Variants in LSG1 observed in about 807,000 individuals in gnomAD.
LSG1 encodes large 60S subunit nuclear export GTPase 1.
In LSG1, 55 loss-of-function variants were observed where a neutral mutation model predicts 82.6. The observed-to-expected ratio is 0.67, with a 90% CI of 0.54 to 0.83. The LOEUF (loss-of-function observed/expected upper bound fraction) is 0.83, where lower values mean the gene tolerates loss of function less well. Ranked by LOEUF, LSG1 falls within the 40% of genes least tolerant of loss-of-function variation. The pLI is 0.00. For synonymous variants in LSG1, 272 were observed against 282.5 expected, an observed-to-expected ratio of 0.96 and a Z score of 0.37; for missense variants, 809 against 807.9, an observed-to-expected ratio of 1.00 and a Z score of -0.02.
At chr3:194,671,630 G>A (rs1345829780) in intron 1 of LSG1, among the ~76,000 whole-genome samples, 1 of 152,190 alleles carries the variant, frequency 6.6e-6, no homozygotes, top group African/African-American at 2.4e-5. Context: ...ACTAGGGGGT[G>A]CTTCGCAAGG....
chr3:194,644,382 AAAAATAAATAAATAAAT>A lies in LSG1; in HGVS notation c.1797+174_1797+190del, dbSNP rs1560218748. Among the ~76,000 whole-genome samples the A allele has an allele frequency of 1.5e-4, 10 of 68,058 alleles. 1 individual carries two copies. The East Asian group carries it at 4.8e-3, about 33-fold the overall frequency. 44.6% of individuals were successfully genotyped at this position (68,058 alleles called of 152,430 possible). On this transcript the variant is annotated intron_variant, in intron 13 of 13. Coordinates refer to ENST00000265245, the MANE Select transcript of LSG1 (RefSeq NM_018385.3). ...AGACTCCGTCTCAAAAAAAAAAAAT[AAAAATAAATAAATAAAT>A]AAATAAATAAATAAATAAATAAATA...
chr3:194,660,158 C>G lies in LSG1; in HGVS notation c.522-25G>C, dbSNP rs376716695. ...ACTGAAAAACAAACACGAGATAGACCAATCACCGTGAAGTGAAAGGGATTT... is the reference window on the plus strand; with the variant it reads ...ACTGAAAAACAAACACGAGATAGACGAATCACCGTGAAGTGAAAGGGATTT... On this transcript the variant is annotated intron_variant, in intron 5 of 13. Coordinates refer to ENST00000265245, the MANE Select transcript of LSG1 (RefSeq NM_018385.3). 1.7e-5 allele frequency: 27 copies of G among 1,598,462 alleles called. No homozygotes were observed. The African/African-American group carries it at 3.1e-4, about 18-fold the overall frequency.
At chr3:194,667,942 A>AAAAATATATATATAT (rs1416407494) in intron 2 of LSG1, among the ~76,000 whole-genome samples, 2 of 86,958 alleles carry the variant, frequency 2.3e-5, no homozygotes, top group Non-Finnish European at 4.1e-5. Flanking sequence ...AAAAAAAAAA[A>AAAAATATATATATAT]ATATATATAT....
At chr3:194,646,635 C>T (rs1158863597) in intron 11 of LSG1, among the ~76,000 whole-genome samples, 3 of 152,208 alleles carry the variant, frequency 2.0e-5, no homozygotes, top group Non-Finnish European at 4.4e-5. Context: ...ATTCTGATGC[C>T]TCAGCCTCCC....
chr3:194,664,287 A>G (rs915450773), intron 5 of LSG1, among the ~76,000 whole-genome samples: 8 of 152,150 alleles, frequency 5.3e-5, no homozygotes, highest in African/African-American at 1.7e-4. Flanking sequence ...ATGTGATAAG[A>G]TTCTTTTCTG....
intron 10 of LSG1, among the ~76,000 whole-genome samples, chr3:194,649,193 A>C (rs1718620426): frequency 6.6e-6 from 1 of 152,078 alleles, no homozygotes; most frequent in African/African-American, 2.4e-5. Flanking sequence ...CATCTCCCAT[A>C]GTTTGTCCAA....
chr3:194,665,371 T>C (rs756575535), intron 5 of LSG1, among the ~76,000 whole-genome samples, 186 bp downstream of exon 5: 1 of 152,210 alleles, frequency 6.6e-6, no homozygotes, highest in Non-Finnish European at 1.5e-5. Context: ...CTTATCAACA[T>C]ATTCATCTAA....
At position 194,652,735 on chromosome 3, in the gene LSG1, G is replaced by C; in HGVS notation, c.1167C>G (p.Val389=). 6.2e-7 allele frequency: 1 copy of C among 1,612,352 alleles called. No individual in the cohort carries two copies. Among genetic ancestry groups the C allele is most frequent in the South Asian group, 1.1e-5 (1 of 90,914 alleles). Residue 389 remains valine (V), a synonymous_variant, in exon 8 of 14, where the codon GTC becomes GTG. Transcript: ENST00000265245. ...GRKVKDGQLT[V]GLVGYPNVGK... is the part of the protein sequence containing the mutation. ...ATGACATATGTCATCTTACCAGTCC[G>C]ACCGTAAGTTGCCCATCTTTCACCT...
intron 7 of LSG1, among the ~76,000 whole-genome samples, chr3:194,658,240 C>T (rs1398662567): frequency 6.6e-6 from 1 of 152,086 alleles, no homozygotes; most frequent in African/African-American, 2.4e-5. Flanking sequence ...CTCCGCCTCC[C>T]AGGTTCAGCC....
chr3:194,655,465 G>T (rs899234535), intron 7 of LSG1, among the ~76,000 whole-genome samples: 1 of 152,052 alleles, frequency 6.6e-6, no homozygotes, highest in African/African-American at 2.4e-5. Context: ...AGAAATAATG[G>T]TTTAACAGGG....
intron 5 of LSG1, chr3:194,660,870 A>G (rs1169985013): frequency 4.4e-6 from 2 of 456,450 alleles, no homozygotes; most frequent in African/African-American, 2.0e-5. Flanking sequence ...TATAGTGGGG[A>G]CTACAGGTGT....
At position 194,646,143 on chromosome 3, in the gene LSG1, TGA is replaced by T. The variant is rs777705090; in HGVS notation, c.1623+19_1623+20del. On this transcript the variant is annotated intron_variant, in intron 12 of 13. Coordinates refer to ENST00000265245, the MANE Select transcript of LSG1 (RefSeq NM_018385.3). ...GAAAAGACTTGTGTATTGGAGAGCA[TGA>T]GAGGCAGGGTTCACTTACACTGACA... 94 of 1,611,848 alleles carry T rather than the reference TGA, an allele frequency of 5.8e-5. No individual in the cohort carries two copies. Among genetic ancestry groups the T allele is most frequent in the Non-Finnish European group, 7.0e-5 (83 of 1,178,166 alleles).
In LSG1 at chr3:194,641,804, CG is replaced by C. The variant is rs1183105928; in HGVS notation, c.*263del. On this transcript the variant is annotated 3_prime_UTR_variant, in exon 14 of 14. Coordinates refer to ENST00000265245, the MANE Select transcript of LSG1 (RefSeq NM_018385.3). ...AATTTTTTTGTATTTTTAGTAGAGACGGGGTTTCTCCATGTTGGTGCGTGAG... is the reference window on the plus strand; with the variant it reads ...AATTTTTTTGTATTTTTAGTAGAGACGGGTTTCTCCATGTTGGTGCGTGAG... 2.6e-5 allele frequency: 8 copies of C among 306,664 alleles called. No individual in the cohort carries two copies. The highest frequency in any genetic ancestry group is 1.5e-4 in the African/African-American group (7 of 45,396). 19.0% of individuals were successfully genotyped at this position (306,664 alleles called of 1,614,324 possible). A position where few individuals can be genotyped will look rare whatever the true frequency, so the allele number is the denominator to read the frequency against.
At chr3:194,665,476 C>A (rs1332649041) in intron 5 of LSG1, 81 bp downstream of exon 5, 21 of 918,684 alleles carry the variant, frequency 2.3e-5, no homozygotes, top group Non-Finnish European at 3.3e-5. Flanking sequence ...ATACCCTGAG[C>A]CTATAAGCCT....
At chr3:194,662,832 A>G (rs528451581) in intron 5 of LSG1, among the ~76,000 whole-genome samples, 1 of 152,274 alleles carries the variant, frequency 6.6e-6, no homozygotes, top group Non-Finnish European at 1.5e-5. Flanking sequence ...AGATCTTAAC[A>G]TCTTGGGGTA....
chr3:194,662,592 G>A (rs537084128), intron 5 of LSG1, among the ~76,000 whole-genome samples: 87 of 152,194 alleles, frequency 5.7e-4, no homozygotes, highest in African/African-American at 1.9e-3. Context: ...GAGAAACCCC[G>A]TCTCTACTAA....
chr3:194,642,199 T>C lies in LSG1; in HGVS notation c.1846A>G (p.Lys616Glu). ...TKGVQAVMGY[K>E]PGSGVVTAST... Reference sequence around the variant, plus strand: ...GCAGTCACTACACCACTCCCGGGCTTGTAACCCATCACAGCCTGGACTCCT... The same window carrying C: ...GCAGTCACTACACCACTCCCGGGCTCGTAACCCATCACAGCCTGGACTCCT... Residue 616 changes from lysine (K) to glutamate (E), a missense_variant, in exon 14 of 14, where the codon AAG (lysine) becomes GAG (glutamate). Transcript: ENST00000265245. 6.2e-7 allele frequency: 1 copy of C among 1,614,138 alleles called. No individual in the cohort carries two copies. The highest frequency in any genetic ancestry group is 1.1e-5 in the South Asian group (1 of 91,080).
chr3:194,655,121 C>T (rs1271147711), intron 7 of LSG1, among the ~76,000 whole-genome samples: 2 of 152,140 alleles, frequency 1.3e-5, no homozygotes, highest in Admixed American at 6.5e-5. Context: ...AAGCAAATGG[C>T]GCCTCACTCT....
Position 194,659,050 on chromosome 3 carries a change from C to G in LSG1, c.666G>C (p.Arg222=). 6.2e-7 allele frequency: 1 copy of G among 1,614,222 alleles called. No homozygotes were observed. The highest frequency in any genetic ancestry group is 8.5e-7 in the Non-Finnish European group (1 of 1,180,034). The change falls in exon 7 of 14, where the codon CGG becomes CGC. Residue 222 remains arginine (R), a synonymous_variant. Transcript: ENST00000265245. ...NKADLLTAEQ[R]SAWAMYFEKE... The stretch of plus-strand genomic sequence containing the variant: ...TTTCGAAGTACATGGCCCAGGCACT[C>G]CGCTGCTCAGCAGTCAGCAAGTCTG...
Sources: allele counts gnomAD v4.1 joint callset (sites outside exome capture counted in the v4.1 genomes callset), GRCh38; gene constraint gnomAD v4.1.1; transcripts MANE v1.5; gene names NCBI Gene and HGNC (gene_info 2026-07-23, HGNC 2026-07-21).